PDE4D: variants seen among roughly 807,000 people sequenced by gnomAD.
PDE4D encodes 3',5'-cyclic-AMP phosphodiesterase 4D.
In PDE4D, 24 loss-of-function variants were observed where a neutral mutation model predicts 87.4. The ratio of observed to expected loss-of-function variants is 0.27; its 90% CI spans 0.20 to 0.39. The LOEUF (loss-of-function observed/expected upper bound fraction) is 0.39, where lower values mean the gene tolerates loss of function less well. Among genes scored for constraint, PDE4D ranks in the 10% least tolerant of loss-of-function variants. The probability of loss-of-function intolerance (pLI) is 1.00; values close to 1 mark genes in which losing one functional copy is unlikely to be tolerated. For missense variants in PDE4D, 714 were observed against 1,041.0 expected (o/e 0.69, Z 4.32); for synonymous variants, 384 against 383.2 (o/e 1.00, Z -0.02).
In PDE4D at chr5:60,474,149, T is replaced by TATATATATAA. The variant is rs1212803987; in HGVS notation, c.-90+13792_-90+13793insTTATATATAT. Among the ~76,000 whole-genome samples the TATATATATAA allele has an allele frequency of 9.5e-5, 9 of 94,406 alleles. No individual in the cohort carries two copies. The South Asian group carries it at 1.7e-3, about 18-fold the overall frequency. The allele number at this position is 94,406 out of a possible 152,430, so 61.9% of individuals were successfully genotyped here. ...ATATATATATATATATATATATATA[T>TATATATATAA]AACAAAAACCTTAGACTGGGCAATT... On this transcript the variant is annotated intron_variant, in intron 1 of 16. Coordinates refer to the PDE4D transcript ENST00000502484.
At chr5:59,905,642 A>C (rs1303890424) in intron 3 of PDE4D, among the ~76,000 whole-genome samples, 2 of 152,142 alleles carry the variant, frequency 1.3e-5, no homozygotes, top group African/African-American at 4.8e-5. Context: ...TCAACTTTGC[A>C]ATGTTACTGT....
At chr5:60,294,615 C>T (rs991422045) in intron 1 of PDE4D, among the ~76,000 whole-genome samples, 3 of 151,550 alleles carry the variant, frequency 2.0e-5, no homozygotes, top group African/African-American at 4.8e-5. Flanking sequence ...ATAAATAAGC[C>T]TCTCCATTCC....
Position 59,730,300 on chromosome 5 carries a change from C to A in PDE4D, c.455+162868G>T, listed in dbSNP as rs1193454087. Among the ~76,000 whole-genome samples the A allele has an allele frequency of 2.0e-5, 3 of 152,080 alleles. No homozygotes were observed. In the East Asian group the frequency reaches 5.8e-4, roughly 29 times the overall value. On this transcript the variant is annotated intron_variant, in intron 1 of 14. Transcript: ENST00000340635. ...AGCTTCGTAGATACTAAACTGGGGACAACCAGGTTAAAGTGAAATAACATT... is the reference window on the plus strand; with the variant it reads ...AGCTTCGTAGATACTAAACTGGGGAAAACCAGGTTAAAGTGAAATAACATT...
chr5:60,296,901 T>C (rs1204933657), intron 1 of PDE4D, among the ~76,000 whole-genome samples: 4 of 151,850 alleles, frequency 2.6e-5, no homozygotes, highest in Non-Finnish European at 5.9e-5. Context: ...TGAGAACATA[T>C]GGGCACAGGG....
At chr5:58,988,834 T>C (rs888457750) in intron 10 of PDE4D, among the ~76,000 whole-genome samples, 1 of 152,174 alleles carries the variant, frequency 6.6e-6, no homozygotes, top group Non-Finnish European at 1.5e-5. Context: ...CTGTATTTTT[T>C]AAAATATTAT....
chr5:59,069,771 T>C (rs1764461005), intron 5 of PDE4D, among the ~76,000 whole-genome samples: 1 of 152,100 alleles, frequency 6.6e-6, no homozygotes, highest in African/African-American at 2.4e-5. Context: ...TTTTGAAAAA[T>C]TTAAAATGTT....
intron 2 of PDE4D, among the ~76,000 whole-genome samples, chr5:59,994,324 CAT>C (rs1763315190): frequency 6.6e-6 from 1 of 151,194 alleles, no homozygotes; most frequent in Admixed American, 6.6e-5. Flanking sequence ...CATATACACA[CAT>C]ACAGTATATG....
At chr5:58,980,326 A>G (rs1184741512) in intron 11 of PDE4D, among the ~76,000 whole-genome samples, 5 of 152,178 alleles carry the variant, frequency 3.3e-5, no homozygotes, top group Non-Finnish European at 7.3e-5. Flanking sequence ...TGCTGGGGCC[A>G]GCACTTAAAA....
chr5:59,398,336 A>G (rs1214183028), intron 1 of PDE4D, among the ~76,000 whole-genome samples: 1 of 138,542 alleles, frequency 7.2e-6, no homozygotes, highest in Non-Finnish European at 1.6e-5. Flanking sequence ...CCTCAATAAA[A>G]TACTGGCAAA....
intron 1 of PDE4D, among the ~76,000 whole-genome samples, chr5:59,351,597 G>A (rs1780547977): frequency 6.6e-6 from 1 of 152,104 alleles, no homozygotes; most frequent in African/African-American, 2.4e-5. Context: ...TTGGCCAGAT[G>A]AAATGAGCCA....
chr5:59,621,636 C>T (rs1830367634), intron 1 of PDE4D, among the ~76,000 whole-genome samples: 1 of 152,162 alleles, frequency 6.6e-6, no homozygotes, highest in African/African-American at 2.4e-5. Context: ...AGCAACAAAG[C>T]CCAGGCTTTT....
intron 1 of PDE4D, among the ~76,000 whole-genome samples, chr5:59,363,632 ACTT>A (rs1411670616): frequency 2.0e-5 from 3 of 152,186 alleles, no homozygotes; most frequent in African/African-American, 4.8e-5. Context: ...TATTATCACC[ACTT>A]TATAGATGAG....
At chr5:59,436,135 G>T (rs1404315778) in intron 1 of PDE4D, among the ~76,000 whole-genome samples, 1 of 152,134 alleles carries the variant, frequency 6.6e-6, no homozygotes, top group Non-Finnish European at 1.5e-5. Flanking sequence ...AGCTACTTAT[G>T]TTCATACATT....
chr5:59,931,848 C>G (rs1014064145), intron 3 of PDE4D, among the ~76,000 whole-genome samples: 1 of 151,994 alleles, frequency 6.6e-6, no homozygotes, highest in Admixed American at 6.6e-5. Flanking sequence ...ACTACAGGCA[C>G]CTGCCACCAT....
At chr5:59,916,954 ATTT>A (rs750105496) in intron 3 of PDE4D, among the ~76,000 whole-genome samples, 16 of 73,640 alleles carry the variant, frequency 2.2e-4, no homozygotes, top group African/African-American at 6.9e-4. Flanking sequence ...TGCCCGGCTA[ATTT>A]TTTTTTTTTT....
chr5:59,089,649 A>C (rs1768339200), intron 5 of PDE4D, among the ~76,000 whole-genome samples: 1 of 152,174 alleles, frequency 6.6e-6, no homozygotes. Context: ...TGTACTCCTT[A>C]CAACTGTATT....
intron 1 of PDE4D, among the ~76,000 whole-genome samples, chr5:60,314,688 C>T (rs190417350): frequency 6.6e-6 from 1 of 152,058 alleles, no homozygotes; most frequent in East Asian, 1.9e-4. Flanking sequence ...TTCCTGTGTC[C>T]ATGTGTTCTC....
intron 1 of PDE4D, among the ~76,000 whole-genome samples, chr5:59,397,834 C>A (rs1348039578): frequency 2.6e-5 from 3 of 114,590 alleles, no homozygotes; most frequent in African/African-American, 3.7e-5. Flanking sequence ...AGACCGCTAG[C>A]AAGACTAATA....
At chr5:60,286,776 T>G (rs1287560754) in intron 1 of PDE4D, among the ~76,000 whole-genome samples, 2 of 152,230 alleles carry the variant, frequency 1.3e-5, no homozygotes, top group Non-Finnish European at 2.9e-5. Flanking sequence ...AGGAATGAAC[T>G]TAAATTCAAT....
Sources: gnomAD v4.1 joint callset for allele counts (sites outside exome capture counted in the v4.1 genomes callset) on GRCh38, gnomAD v4.1.1 for gene constraint, MANE v1.5 for transcripts, NCBI Gene and HGNC (gene_info 2026-07-23, HGNC 2026-07-21) for gene names.